ASTN2: variants seen among roughly 807,000 people sequenced by gnomAD.
ASTN2 encodes the protein astrotactin-2.
In ASTN2, 54 loss-of-function variants were observed where a neutral mutation model predicts 139.8. That is an observed-to-expected ratio of 0.39 (90% CI 0.31 to 0.48). The LOEUF (loss-of-function observed/expected upper bound fraction) is 0.48. ASTN2 is among the 20% of genes least tolerant of loss of function. The probability of loss-of-function intolerance (pLI) is 0.95; values close to 1 mark genes in which losing one functional copy is unlikely to be tolerated. For missense variants in ASTN2, 1,565 were observed against 1,725.1 expected (o/e 0.91, Z 1.64); for synonymous variants, 756 against 719.5 (o/e 1.05, Z -0.81).
chr9:116,768,833 A>G (rs1829882565), intron 13 of ASTN2, among the ~76,000 whole-genome samples: 1 of 152,200 alleles, frequency 6.6e-6, no homozygotes, highest in Non-Finnish European at 1.5e-5. Context: ...TGTTGTTTAT[A>G]GATTATCCAG....
chr9:116,426,112 A>G (rs778371021), intron 22 of ASTN2, 24 bp from the exon 23 acceptor site: 2 of 1,608,604 alleles, frequency 1.2e-6, no homozygotes, highest in Non-Finnish European at 1.7e-6. Context: ...TGAGACAGCC[A>G]TGATTAAAGA....
At chr9:116,766,763 CACAT>C (rs1448961922) in intron 13 of ASTN2, among the ~76,000 whole-genome samples, 2 of 152,000 alleles carry the variant, frequency 1.3e-5, no homozygotes, top group South Asian at 4.2e-4. Context: ...CACATAAACG[CACAT>C]ACATTCATAT....
chr9:116,451,182 G>C (rs138021370), intron 20 of ASTN2, among the ~76,000 whole-genome samples: 133 of 152,322 alleles, frequency 8.7e-4, no homozygotes, highest in African/African-American at 3.1e-3. Context: ...GGCATCCACT[G>C]TTCTGACTGC....
At chr9:117,394,965 A>G (rs1337530407) in intron 1 of ASTN2, among the ~76,000 whole-genome samples, 1 of 152,104 alleles carries the variant, frequency 6.6e-6, no homozygotes, top group East Asian at 1.9e-4. Flanking sequence ...AGACTGGGAG[A>G]GTGATGAGGG....
At chr9:116,994,768 C>A (rs576051994) in intron 7 of ASTN2, among the ~76,000 whole-genome samples, 1 of 152,238 alleles carries the variant, frequency 6.6e-6, no homozygotes, top group African/African-American at 2.4e-5. Flanking sequence ...TCTTCCACCC[C>A]CACCAGAGGA....
intron 3 of ASTN2, among the ~76,000 whole-genome samples, chr9:117,199,810 A>G (rs925696696): frequency 6.6e-6 from 1 of 152,040 alleles, no homozygotes; most frequent in African/African-American, 2.4e-5. Context: ...TTCCTTGAGC[A>G]GTGGTTTGTA....
intron 13 of ASTN2, among the ~76,000 whole-genome samples, chr9:116,796,481 T>C (rs10739474): frequency 0.84 from 127,582 of 152,156 alleles, 53,697 homozygotes; most frequent in East Asian, 0.98. Flanking sequence ...AAATGCTATG[T>C]TTTGTGTCAG....
chr9:116,654,814 T>G (rs1858116263), intron 16 of ASTN2, among the ~76,000 whole-genome samples: 1 of 152,336 alleles, frequency 6.6e-6, no homozygotes, highest in Non-Finnish European at 1.5e-5. Flanking sequence ...TGAGAAGAAA[T>G]ATAACTTGGT....
chr9:117,099,154 A>G (rs1299182379), intron 4 of ASTN2, among the ~76,000 whole-genome samples: 1 of 151,976 alleles, frequency 6.6e-6, no homozygotes, highest in Non-Finnish European at 1.5e-5. Flanking sequence ...TCATCTATAC[A>G]TAATTCTTGG....
At chr9:117,220,570 A>G (rs1431657268) in intron 2 of ASTN2, among the ~76,000 whole-genome samples, 2 of 152,166 alleles carry the variant, frequency 1.3e-5, no homozygotes, top group African/African-American at 4.8e-5. Context: ...CACAGGGAAG[A>G]AGCTCACATG....
chr9:116,709,869 G>A (rs571284700), intron 16 of ASTN2, among the ~76,000 whole-genome samples: 95 of 152,134 alleles, frequency 6.2e-4, no homozygotes, highest in Non-Finnish European at 1.1e-3. Flanking sequence ...GCCTCAGGCT[G>A]CAGGCCTCAT....
Position 116,425,512 on chromosome 9 carries a change from AG to A in ASTN2, c.*338del, listed in dbSNP as rs1847277432. The A allele has an allele frequency of 6.5e-7, 1 of 1,531,144 alleles. No individual in the cohort carries two copies. The highest frequency in any genetic ancestry group is 1.7e-5 in the Admixed American group (1 of 57,426). The allele number at this position is 1,531,144 out of a possible 1,614,324, so 94.8% of individuals were successfully genotyped here. A position where few individuals can be genotyped will look rare whatever the true frequency, so the allele number is the denominator to read the frequency against. ...AAGAAAGCAGAGTGTGGCAGGAAGAAGGAAGAAGAGCAAAGGCCGCTTGGTC... is the reference window on the plus strand; with the variant it reads ...AAGAAAGCAGAGTGTGGCAGGAAGAAGAAGAAGAGCAAAGGCCGCTTGGTC... On this transcript the variant is annotated 3_prime_UTR_variant, in exon 23 of 23. Transcript: ENST00000313400.
intron 3 of ASTN2, among the ~76,000 whole-genome samples, chr9:117,213,304 G>A (rs1281911938): frequency 2.6e-5 from 4 of 152,096 alleles, no homozygotes; most frequent in East Asian, 1.9e-4. Context: ...GCTGGGAAAG[G>A]TAGGAGGGAG....
intron 20 of ASTN2, among the ~76,000 whole-genome samples, chr9:116,477,749 G>A (rs575784962): frequency 3.3e-5 from 5 of 151,358 alleles, no homozygotes; most frequent in South Asian, 2.1e-4. Flanking sequence ...GGCCAGGCAC[G>A]GTGGCTCACG....
chr9:117,086,476 A>C (rs1221375226), intron 5 of ASTN2, among the ~76,000 whole-genome samples: 3 of 152,186 alleles, frequency 2.0e-5, no homozygotes, highest in Non-Finnish European at 4.4e-5. Flanking sequence ...TGGGAGGCTG[A>C]GGCAGGAGAA....
chr9:116,738,557 A>G (rs1472746631), intron 13 of ASTN2, among the ~76,000 whole-genome samples: 1 of 152,176 alleles, frequency 6.6e-6, no homozygotes, highest in Non-Finnish European at 1.5e-5. Context: ...AGCAATCACC[A>G]CTAAAGAACT....
Position 116,767,736 on chromosome 9 carries a change from C to T in ASTN2, c.2397-34213G>A, listed in dbSNP as rs550093213. On this transcript the variant is annotated intron_variant, in intron 13 of 22. Coordinates refer to ENST00000313400, the MANE Select transcript of ASTN2 (RefSeq NM_001365068.1). ...TCAGAACCCTCGTGAGCAGGGGTCC[C>T]TGCAGCCAGAACTAGCAGATCCATC... Among the ~76,000 whole-genome samples, 109 of 152,294 alleles carry T rather than the reference C, an allele frequency of 7.2e-4. 1 individual carries two copies. In the South Asian group the frequency reaches 0.015, roughly 20 times the overall value.
chr9:116,538,925 A>G (rs917145077), intron 19 of ASTN2, among the ~76,000 whole-genome samples: 1 of 152,238 alleles, frequency 6.6e-6, no homozygotes, highest in African/African-American at 2.4e-5. Flanking sequence ...GACAAGAACT[A>G]GTAAGATAAA....
intron 13 of ASTN2, among the ~76,000 whole-genome samples, chr9:116,738,595 C>T (rs1472671651): frequency 6.6e-6 from 1 of 152,110 alleles, no homozygotes; most frequent in African/African-American, 2.4e-5. Flanking sequence ...ACCACTTGTA[C>T]CCCCAAAACG....
Sources: allele counts gnomAD v4.1 joint callset (sites outside exome capture counted in the v4.1 genomes callset), GRCh38; gene constraint gnomAD v4.1.1; transcripts MANE v1.5; gene names NCBI Gene and HGNC (gene_info 2026-07-23, HGNC 2026-07-21).